ADARB2: variants seen among roughly 807,000 people sequenced by gnomAD.
ADARB2 encodes the protein adenosine deaminase RNA specific B2 (inactive), also known as inactive double-stranded RNA-specific editase B2.
In ADARB2, 25 loss-of-function variants were observed where a neutral mutation model predicts 62.2. The ratio of observed to expected loss-of-function variants is 0.40; its 90% CI spans 0.29 to 0.56. The LOEUF is 0.56. ADARB2 is among the 20% of genes least tolerant of loss of function. The probability of loss-of-function intolerance (pLI) is 0.43; values close to 1 mark genes in which losing one functional copy is unlikely to be tolerated. For synonymous variants in ADARB2, 572 were observed against 500.8 expected, an observed-to-expected ratio of 1.14 and a Z score of -1.90; for missense variants, 1,071 against 1,077.4, an observed-to-expected ratio of 0.99 and a Z score of 0.08.
At chr10:1,538,204 G>A (rs376372118) in intron 1 of ADARB2, among the ~76,000 whole-genome samples, 1 of 152,278 alleles carries the variant, frequency 6.6e-6, no homozygotes, top group South Asian at 2.1e-4. Flanking sequence ...TGTGTCCAGA[G>A]AGCCTGGCAG....
chr10:1,645,428 A>G (rs1834027646), intron 1 of ADARB2, among the ~76,000 whole-genome samples: 2 of 152,212 alleles, frequency 1.3e-5, no homozygotes, highest in Admixed American at 6.5e-5. Context: ...CTGCAGTGCC[A>G]TTGCCTAGCA....
chr10:1,289,630 A>G (rs538197850), intron 3 of ADARB2, among the ~76,000 whole-genome samples: 30 of 152,192 alleles, frequency 2.0e-4, no homozygotes, highest in Admixed American at 5.2e-4. Flanking sequence ...CCCACTGCCC[A>G]CCTCCTGCTT....
At chr10:1,635,277 T>C (rs976593560) in intron 1 of ADARB2, among the ~76,000 whole-genome samples, 4 of 152,246 alleles carry the variant, frequency 2.6e-5, no homozygotes, top group African/African-American at 9.6e-5. Flanking sequence ...TGTTAATTTA[T>C]TCAATAGAGT....
chr10:1,429,466 C>T (rs549645245), intron 1 of ADARB2, among the ~76,000 whole-genome samples: 8 of 152,208 alleles, frequency 5.3e-5, no homozygotes, highest in Admixed American at 2.0e-4. Context: ...AAGAAGACTC[C>T]GTAAAGAGAA....
intron 1 of ADARB2, among the ~76,000 whole-genome samples, chr10:1,508,548 G>C (rs1831881503): frequency 6.6e-6 from 1 of 152,216 alleles, no homozygotes; most frequent in Non-Finnish European, 1.5e-5. Context: ...GGGAGACCAA[G>C]GCCGGCTGAT....
chr10:1,277,556 A>G (rs1831329424), intron 3 of ADARB2, among the ~76,000 whole-genome samples: 1 of 152,248 alleles, frequency 6.6e-6, no homozygotes, highest in Non-Finnish European at 1.5e-5. Flanking sequence ...TAAACCAGGA[A>G]GAAGTGGAAT....
intron 1 of ADARB2, among the ~76,000 whole-genome samples, chr10:1,446,887 G>A (rs1830977928): frequency 6.6e-6 from 1 of 152,130 alleles, no homozygotes; most frequent in African/African-American, 2.4e-5. Context: ...AGGGTTGATG[G>A]CCTCAGAGGG....
intron 1 of ADARB2, among the ~76,000 whole-genome samples, chr10:1,688,176 C>G (rs1834620281): frequency 6.6e-6 from 1 of 152,218 alleles, no homozygotes; most frequent in Non-Finnish European, 1.5e-5. Flanking sequence ...CAGTGGGGAC[C>G]TGGGGGGTTG....
intron 1 of ADARB2, among the ~76,000 whole-genome samples, chr10:1,656,445 G>A (rs558090469): frequency 2.6e-5 from 4 of 152,194 alleles, no homozygotes; most frequent in Non-Finnish European, 5.9e-5. Flanking sequence ...TACAACATCT[G>A]ATATTTTTGG....
Position 1,363,053 on chromosome 10 carries a change from C to T in ADARB2, c.1052G>A (p.Arg351Lys). Reference protein sequence around the residue: ...DIQMPGHAPGRARRTPMPQEF... With the variant: ...DIQMPGHAPGKARRTPMPQEF... The stretch of plus-strand genomic sequence containing the variant: ...CTGCGGCATTGGCGTCCTCCTGGCC[C>T]TGCCGGGCGCGTGGCCGGGCATCTG... Residue 351 changes from arginine to lysine, a missense_variant, in exon 3 of 10, where the codon AGG becomes AAG. Coordinates refer to ENST00000381312, the MANE Select transcript of ADARB2 (RefSeq NM_018702.4). The T allele has an allele frequency of 7.0e-7, 1 of 1,437,958 alleles. No homozygotes were observed. The highest frequency in any genetic ancestry group is 9.1e-7 in the Non-Finnish European group (1 of 1,096,954). 89.1% of individuals were successfully genotyped at this position (1,437,958 alleles called of 1,614,324 possible). A position where few individuals can be genotyped will look rare whatever the true frequency, so the allele number is the denominator to read the frequency against.
chr10:1,450,433 G>A (rs1207842395), intron 1 of ADARB2, among the ~76,000 whole-genome samples: 2 of 152,220 alleles, frequency 1.3e-5, no homozygotes, highest in Non-Finnish European at 2.9e-5. Context: ...CCACTCTCGT[G>A]GCTTCGGTGA....
rs535112102 is a variant in ADARB2 at position 1,335,209 on chromosome 10, T to TGGATGGAGGGAGGGAA, written c.1077+27803_1077+27818dup. Among the ~76,000 whole-genome samples, 59 of 143,048 alleles carry TGGATGGAGGGAGGGAA rather than the reference T, an allele frequency of 4.1e-4. 1 individual carries two copies. Among genetic ancestry groups the TGGATGGAGGGAGGGAA allele is most frequent in the African/African-American group, 1.4e-3 (54 of 37,900 alleles). The allele number at this position is 143,048 out of a possible 152,430, so 93.8% of individuals were successfully genotyped here. On this transcript the variant is annotated intron_variant, in intron 3 of 9. Coordinates refer to ENST00000381312, the MANE Select transcript of ADARB2 (RefSeq NM_018702.4). ...TGAGGATGTCTGTGAGATGAATGGA[T>TGGATGGAGGGAGGGAA]GGATGGAGGGAGGGAATGATGGAAG...
At chr10:1,593,614 CAG>C (rs1456425088) in intron 1 of ADARB2, among the ~76,000 whole-genome samples, 2 of 152,370 alleles carry the variant, frequency 1.3e-5, no homozygotes, top group African/African-American at 2.4e-5. Flanking sequence ...CTTAAAGAAG[CAG>C]AGAGTTCTGT....
chr10:1,444,303 ATCCATCCACTCATTCATCCT>A (rs1300342037), intron 1 of ADARB2, among the ~76,000 whole-genome samples: 2 of 141,352 alleles, frequency 1.4e-5, no homozygotes, highest in African/African-American at 5.5e-5. Flanking sequence ...CCATCCATCC[ATCCATCCACTCATTCATCCT>A]TCCATCCACC....
chr10:1,333,743 T>C (rs1456033002), intron 3 of ADARB2, among the ~76,000 whole-genome samples: 3 of 152,132 alleles, frequency 2.0e-5, no homozygotes, highest in East Asian at 3.9e-4. Flanking sequence ...TGAGCTACTA[T>C]CTGTGGGGCC....
In ADARB2 at chr10:1,737,304, T is replaced by G. The variant is rs3750683; in HGVS notation, c.-154A>C. ...GGACTGAGCAGGAAAGCGCGCTCCG[T>G]CTCTCTGTCTCTCGAATTGTTCTCT... On this transcript the variant is annotated 5_prime_UTR_variant, in exon 1 of 10. Transcript: ENST00000381312. 1.5e-6 allele frequency: 1 copy of G among 672,708 alleles called. No homozygotes were observed. Among genetic ancestry groups the G allele is most frequent in the Non-Finnish European group, 2.5e-6 (1 of 399,010 alleles). 41.7% of individuals were successfully genotyped at this position (672,708 alleles called of 1,614,324 possible). A position where few individuals can be genotyped will look rare whatever the true frequency, so the allele number is the denominator to read the frequency against.
intron 1 of ADARB2, among the ~76,000 whole-genome samples, chr10:1,433,048 T>TA (rs1464348485): frequency 2.0e-5 from 3 of 152,108 alleles, no homozygotes; most frequent in African/African-American, 7.2e-5. Context: ...TCCCATTTTC[T>TA]AAAAAAATCC....
Position 1,615,588 on chromosome 10 carries a change from G to T in ADARB2, c.100+121463C>A, listed in dbSNP as rs185098917. On this transcript the variant is annotated intron_variant, in intron 1 of 9. Transcript: ENST00000381312. Reference sequence around the variant, plus strand: ...GCACAGAACGCACAGACTCGAATGGGAATTGGGCTCTCCCACTGACAACCT... The same window carrying T: ...GCACAGAACGCACAGACTCGAATGGTAATTGGGCTCTCCCACTGACAACCT... Among the ~76,000 whole-genome samples the T allele has an allele frequency of 2.1e-4, 32 of 152,368 alleles. No individual in the cohort carries two copies. The East Asian group carries it at 5.6e-3, about 27-fold the overall frequency.
chr10:1,242,219 C>A lies in ADARB2; in HGVS notation c.1273G>T (p.Gly425Trp). Residue 425 changes from glycine to tryptophan, a missense_variant, in exon 5 of 10, where the codon GGG becomes TGG. Coordinates refer to ENST00000381312, the MANE Select transcript of ADARB2 (RefSeq NM_018702.4). ...CISGEHLSDQ[G>W]LVVNDCHAEV... Reference sequence around the variant, plus strand: ...GCGTGGCAGTCATTCACCACCAGCCCCTGGTCACTGAGGTGCTCGCCGCTG... The same window carrying A: ...GCGTGGCAGTCATTCACCACCAGCCACTGGTCACTGAGGTGCTCGCCGCTG... 1 of 1,607,596 alleles carries A rather than the reference C, an allele frequency of 6.2e-7. No homozygotes were observed. The highest frequency in any genetic ancestry group is 8.5e-7 in the Non-Finnish European group (1 of 1,178,064).
Sources: allele counts gnomAD v4.1 joint callset (sites outside exome capture counted in the v4.1 genomes callset), GRCh38; gene constraint gnomAD v4.1.1; transcripts MANE v1.5; gene names NCBI Gene and HGNC (gene_info 2026-07-23, HGNC 2026-07-21).